The following PCDHAC1 variants were observed in gnomAD, a reference collection of about 807,000 sequenced individuals.
The protein encoded by PCDHAC1 is protocadherin alpha subfamily C, 1, also known as protocadherin alpha-C1.
PCDHAC1 carries 42 observed loss-of-function variants against 60.0 expected under a neutral mutation model. The ratio of observed to expected loss-of-function variants is 0.70; its 90% CI spans 0.55 to 0.90. The LOEUF is 0.90. PCDHAC1 is among the 40% of genes least tolerant of loss of function. PCDHAC1 has a pLI of 0.00. For missense variants in PCDHAC1, 1,160 were observed against 1,222.3 expected, an observed-to-expected ratio of 0.95 and a Z score of 0.76; for synonymous variants, 468 against 499.3, an observed-to-expected ratio of 0.94 and a Z score of 0.84.
chr5:140,961,985 G>A (rs782724308), intron 1 of PCDHAC1, among the ~76,000 whole-genome samples: 30 of 151,692 alleles, frequency 2.0e-4, no homozygotes, highest in Non-Finnish European at 4.0e-4. Context: ...CTGGGTTCAC[G>A]CCATTGTCCT....
chr5:140,967,018 G>T, intron 1 of PCDHAC1: 1 of 1,607,168 alleles, frequency 6.2e-7, no homozygotes, highest in Non-Finnish European at 8.5e-7. Context: ...ATCTGGGTGC[G>T]CCCAGTCCGC....
At chr5:140,999,426 A>G (rs1456581917) in intron 3 of PCDHAC1, among the ~76,000 whole-genome samples, 2 of 152,204 alleles carry the variant, frequency 1.3e-5, no homozygotes, top group Middle Eastern at 3.2e-3. Context: ...TAAGAGGCCA[A>G]GTACCTTGCC....
chr5:140,968,734 C>T, intron 1 of PCDHAC1: 1 of 1,614,162 alleles, frequency 6.2e-7, no homozygotes, highest in Non-Finnish European at 8.5e-7. Flanking sequence ...GTAGCACTTT[C>T]AACCTGACCG....
intron 3 of PCDHAC1, among the ~76,000 whole-genome samples, chr5:140,997,912 A>G (rs2097790316): frequency 6.6e-6 from 1 of 152,224 alleles, no homozygotes; most frequent in Admixed American, 6.5e-5. Flanking sequence ...GTAGAATTAC[A>G]GAATCATAGG....
At chr5:141,001,303 A>G (rs2098006866) in intron 3 of PCDHAC1, among the ~76,000 whole-genome samples, 2 of 152,182 alleles carry the variant, frequency 1.3e-5, no homozygotes, top group Admixed American at 1.3e-4. Context: ...GCCCAGAGAT[A>G]TGAAATAATT....
At chr5:140,983,142 CTTGGCATGCATG>C (rs1316699573) in intron 3 of PCDHAC1, among the ~76,000 whole-genome samples, 4 of 152,212 alleles carry the variant, frequency 2.6e-5, no homozygotes, top group Admixed American at 6.5e-5. Flanking sequence ...CTTTTAGTGC[CTTGGCATGCATG>C]TTGCCAAACA....
chr5:140,953,564 GC>G (rs543933826), intron 1 of PCDHAC1, among the ~76,000 whole-genome samples: 356 of 152,176 alleles, frequency 2.3e-3, no homozygotes, highest in African/African-American at 7.9e-3. Context: ...AAGTTTTAGT[GC>G]CCTCCTCTCC....
chr5:140,963,941 G>A lies in PCDHAC1; in HGVS notation c.2434-15008G>A, dbSNP rs1434019587. Among the ~76,000 whole-genome samples the A allele has an allele frequency of 7.9e-5, 12 of 152,320 alleles. No homozygotes were observed. In the East Asian group the frequency reaches 9.6e-4, roughly 12 times the overall value. On this transcript the variant is annotated intron_variant, in intron 1 of 3. Coordinates refer to ENST00000253807, the MANE Select transcript of PCDHAC1 (RefSeq NM_018898.5). ...TAAGTAACATGTCCATAGCCAAACAGTTAGTCACTGGCAGGAGTGTGACTG... is the reference window on the plus strand; with the variant it reads ...TAAGTAACATGTCCATAGCCAAACAATTAGTCACTGGCAGGAGTGTGACTG...
chr5:140,940,164 AT>A (rs1407801775), intron 1 of PCDHAC1, among the ~76,000 whole-genome samples: 1 of 152,170 alleles, frequency 6.6e-6, no homozygotes, highest in African/African-American at 2.4e-5. Flanking sequence ...TTTGCCTGAA[AT>A]GTCATTCTTG....
chr5:140,937,588 G>T (rs1414065719), intron 1 of PCDHAC1, among the ~76,000 whole-genome samples: 1 of 151,364 alleles, frequency 6.6e-6, no homozygotes, highest in African/African-American at 2.4e-5. Context: ...CTGCACTCTA[G>T]CCTGGGCAAC....
intron 3 of PCDHAC1, among the ~76,000 whole-genome samples, chr5:141,006,206 AT>A (rs1178693799): frequency 1.4e-5 from 2 of 147,854 alleles, no homozygotes. Flanking sequence ...GTTATGCCTC[AT>A]TTTTTTTTAA....
In PCDHAC1 at chr5:140,967,673, C is replaced by T. The variant is rs1563368144; in HGVS notation, c.2434-11276C>T. On this transcript the variant is annotated intron_variant, in intron 1 of 3. Transcript: ENST00000253807. ...CTCCTTGAGCAGCTACACGTCGGAC[C>T]GGGAGAGGCAGCTCTTCAGCATAGA... The T allele has an allele frequency of 2.5e-6, 4 of 1,614,130 alleles. No homozygotes were observed. In the East Asian group the frequency reaches 6.7e-5, roughly 27 times the overall value.
intron 1 of PCDHAC1, among the ~76,000 whole-genome samples, chr5:140,947,229 G>GA (rs201242412): frequency 9.4e-5 from 14 of 148,904 alleles, no homozygotes; most frequent in South Asian, 2.1e-4. Context: ...TTTATGACAG[G>GA]AAAAAAAAAT....
At chr5:140,980,152 C>T (rs1554241475) in intron 2 of PCDHAC1, among the ~76,000 whole-genome samples, 1 of 152,040 alleles carries the variant, frequency 6.6e-6, no homozygotes, top group Admixed American at 6.6e-5. Flanking sequence ...CATGCATATA[C>T]CAGAATATTA....
At chr5:140,986,508 G>T (rs1043049646) in intron 3 of PCDHAC1, among the ~76,000 whole-genome samples, 26 of 152,184 alleles carry the variant, frequency 1.7e-4, no homozygotes, top group African/African-American at 5.3e-4. Context: ...TAAAAGGACT[G>T]CCCCTGCCTG....
rs781828981 is a variant in PCDHAC1 at position 140,928,637 on chromosome 5, A to C, written c.1745A>C (p.Lys582Thr). The C allele has an allele frequency of 6.2e-7, 1 of 1,614,202 alleles. No individual in the cohort carries two copies. The highest frequency in any genetic ancestry group is 1.1e-5 in the South Asian group (1 of 91,084). The change falls in exon 1 of 4, where the codon AAA (lysine) becomes ACA (threonine). Residue 582 changes from lysine (K) to threonine (T), a missense_variant. Lys to Thr is a moderately conservative substitution (Grantham distance 78). Around this residue, in one of 3 missense-constraint regions of PCDHAC1, gnomAD observed 1,113 missense variants for 1,163.7 expected, o/e 0.96. Coordinates refer to ENST00000253807, the MANE Select transcript of PCDHAC1 (RefSeq NM_018898.5). Reference protein sequence around the residue: ...RSARTGHLVTKVVAEDADSGS... With the variant: ...RSARTGHLVTTVVAEDADSGS... ...GCCAGGACTGGACACTTGGTCACAA[A>C]AGTGGTAGCAGAGGATGCTGACAGT...
At chr5:140,999,476 A>G (rs1209910607) in intron 3 of PCDHAC1, among the ~76,000 whole-genome samples, 6 of 152,124 alleles carry the variant, frequency 3.9e-5, no homozygotes, top group African/African-American at 1.2e-4. Flanking sequence ...GCAGATTCCA[A>G]CTCAAGTCTA....
At chr5:140,993,078 A>G (rs1373767899) in intron 3 of PCDHAC1, among the ~76,000 whole-genome samples, 2 of 152,212 alleles carry the variant, frequency 1.3e-5, no homozygotes, top group Non-Finnish European at 2.9e-5. Flanking sequence ...GCAGTCTGCA[A>G]TCAGCAGGGC....
chr5:140,948,267 A>C (rs964252489), intron 1 of PCDHAC1, among the ~76,000 whole-genome samples: 1 of 151,646 alleles, frequency 6.6e-6, no homozygotes, highest in South Asian at 2.1e-4. Context: ...GTGTTCATGT[A>C]GAATATCTGT....
Sources: allele counts gnomAD v4.1 joint callset (sites outside exome capture counted in the v4.1 genomes callset), GRCh38; gene constraint gnomAD v4.1.1; regional missense constraint gnomAD v4.1.1; transcripts MANE v1.5; gene names NCBI Gene and HGNC (gene_info 2026-07-23, HGNC 2026-07-21).